The following HLA-DQB1 variants were observed in gnomAD, a reference collection of about 807,000 sequenced individuals.
The protein encoded by HLA-DQB1 is HLA class II histocompatibility antigen, DQ beta 1 chain.
HLA-DQB1 carries 13 observed loss-of-function variants against 26.4 expected under a neutral mutation model. That is an observed-to-expected ratio of 0.49 (90% CI 0.32 to 0.78). The LOEUF (loss-of-function observed/expected upper bound fraction) is 0.78. Ranked by LOEUF, HLA-DQB1 falls within the 30% of genes least tolerant of loss-of-function variation. The pLI is 0.03. For synonymous variants in HLA-DQB1, 60 were observed against 129.1 expected, an observed-to-expected ratio of 0.46 and a Z score of 3.63; for missense variants, 158 against 326.2, an observed-to-expected ratio of 0.48 and a Z score of 3.97.
exon 2 of HLA-DQB1, chr6:32,664,882 C>T (rs9274390): frequency 0.038 from 45,137 of 1,188,672 alleles, 10,563 homozygotes; most frequent in East Asian, 0.23. Flanking sequence ...CCCTCCAGGA[C>T]TTCCTTCTGG....
chr6:32,660,105 C>T (rs1071639), exon 5 of HLA-DQB1: 104,767 of 446,866 alleles, frequency 0.23, 23,625 homozygotes, highest in South Asian at 0.29. Context: ...GACCTGGTGG[C>T]TGCGTGACAG....
chr6:32,664,968 G>A (rs1063318), exon 2 of HLA-DQB1: 297,839 of 1,251,776 alleles, frequency 0.24, 67,056 homozygotes, highest in South Asian at 0.49. Context: ...GTCGAAGCGC[G>A]CGTACTCCTC....
At chr6:32,660,766 T>C (rs34736308) in intron 4 of HLA-DQB1, 123,962 of 698,724 alleles carry the variant, frequency 0.18, 21,524 homozygotes, top group Non-Finnish European at 0.18. Flanking sequence ...AAATAGGCCA[T>C]GAACATGGAC....
intron 4 of HLA-DQB1, 166 bp from the exon 5 acceptor site, chr6:32,660,415 AGG>A (rs1157498135): frequency 2.5e-6 from 1 of 399,386 alleles, no homozygotes; most frequent in Non-Finnish European, 4.5e-6. Context: ...TCAGCTCATG[AGG>A]ACACAGAACT....
chr6:32,662,970 G>T (rs281863640), intron 2 of HLA-DQB1: 1 of 135,706 alleles, frequency 7.4e-6, no homozygotes. Flanking sequence ...GATCCGTGCA[G>T]AGGTCGGCCT....
intron 1 of HLA-DQB1, among the ~76,000 whole-genome samples, 190 bp from the exon 2 acceptor site, chr6:32,665,257 T>G (rs9274427): frequency 0.7 from 81,467 of 116,628 alleles, 30,695 homozygotes; most frequent in South Asian, 0.87. Context: ...TGCGGGCTTC[T>G]GGAATCTGCC....
At chr6:32,664,697 T>G (rs9274360) in intron 2 of HLA-DQB1, 101 bp downstream of exon 2, 94,011 of 277,610 alleles carry the variant, frequency 0.34, 34,810 homozygotes, top group South Asian at 0.65. Context: ...TGGAATGAAC[T>G]GGGCTCAGAT....
chr6:32,666,321 C>G (rs28746842), intron 1 of HLA-DQB1, among the ~76,000 whole-genome samples, 178 bp downstream of exon 1: 28,167 of 150,870 alleles, frequency 0.19, 3,015 homozygotes, highest in East Asian at 0.32. Flanking sequence ...ATTGGATTGT[C>G]CTCATCTCAT....
exon 1 of HLA-DQB1, chr6:32,666,593 C>G (rs920618234): frequency 2.6e-6 from 3 of 1,143,464 alleles, no homozygotes; most frequent in Non-Finnish European, 3.8e-6. Context: ...TCCGCAAAGC[C>G]TTCTTCCAAG....
intron 4 of HLA-DQB1, 45 bp downstream of exon 4, chr6:32,661,302 T>G: frequency 1.7e-6 from 2 of 1,156,962 alleles, no homozygotes. Context: ...GAACAGAGGG[T>G]CTGGGTCACA....
At chr6:32,662,617 T>C (rs41270923) in intron 2 of HLA-DQB1, 4,179 of 120,140 alleles carry the variant, frequency 0.035, 6 homozygotes, top group Middle Eastern at 0.051. Context: ...AACATCATGT[T>C]TGTCCACAAC....
chr6:32,663,775 G>T (rs281863237), intron 2 of HLA-DQB1: 1 of 134,926 alleles, frequency 7.4e-6, no homozygotes, highest in African/African-American at 2.8e-5. Context: ...ATAGTGATGG[G>T]GGGGAGGGGA....
intron 1 of HLA-DQB1, 117 bp from the exon 2 acceptor site, chr6:32,665,184 C>T (rs281861955): frequency 1.7e-6 from 1 of 590,506 alleles, no homozygotes. Context: ...CCCGCCCGCC[C>T]GTGCCTGGCG....
exon 2 of HLA-DQB1, chr6:32,664,932 A>G (rs757521954): frequency 1.5e-6 from 2 of 1,355,206 alleles, no homozygotes; most frequent in Non-Finnish European, 1.0e-6. Flanking sequence ...CTGCGGCGTC[A>G]CCGCGCGGTA....
intron 1 of HLA-DQB1, among the ~76,000 whole-genome samples, chr6:32,666,234 C>A (rs281861075): frequency 7.2e-6 from 1 of 138,932 alleles, no homozygotes; most frequent in African/African-American, 2.7e-5. Context: ...TGTCCTATCG[C>A]TGGTAGTAAA....
At chr6:32,662,321 A>ATT in intron 2 of HLA-DQB1, 73 bp from the exon 3 acceptor site, 1 of 699,228 alleles carries the variant, frequency 1.4e-6, no homozygotes, top group Non-Finnish European at 2.0e-6. Flanking sequence ...ACCATGAGGA[A>ATT]GGATCCCTCC....
chr6:32,660,762 G>T, intron 4 of HLA-DQB1: 1 of 626,744 alleles, frequency 1.6e-6, no homozygotes, highest in South Asian at 1.8e-5. Context: ...CAGCAAATAG[G>T]CCATGAACAT....
chr6:32,660,136 CA>C (rs3842708), exon 5 of HLA-DQB1: 34,203 of 575,572 alleles, frequency 0.059, 8,770 homozygotes, highest in East Asian at 0.33. Context: ...ACTTTGATCT[CA>C]GGGGGACAAG....
chr6:32,665,092 G>A lies in HLA-DQB1; in HGVS notation c.110-25C>T, dbSNP rs281862028. 7.0e-5 allele frequency: 83 copies of A among 1,187,376 alleles called. 12 individuals carry two copies. The Admixed American group carries it at 1.7e-3, about 25-fold the overall frequency. 73.6% of individuals were successfully genotyped at this position (1,187,376 alleles called of 1,614,324 possible). On this transcript the variant is annotated intron_variant, in intron 1 of 4. Transcript: ENST00000434651. Reference sequence around the variant, plus strand: ...TCTGCGGGGAATCACCGGCCGGTCAGTCAGGCCCCAGCCCGGCCGCCCCCG... The same window carrying A: ...TCTGCGGGGAATCACCGGCCGGTCAATCAGGCCCCAGCCCGGCCGCCCCCG...
Sources: allele counts gnomAD v4.1 joint callset (sites outside exome capture counted in the v4.1 genomes callset), GRCh38; gene constraint gnomAD v4.1.1; transcripts MANE v1.5; gene names NCBI Gene and HGNC (gene_info 2026-07-23, HGNC 2026-07-21).